The following CNTNAP2 variants were observed in gnomAD, a reference collection of about 807,000 sequenced individuals.
The protein encoded by CNTNAP2 is contactin associated protein 2.
Under a neutral mutation model 155.2 loss-of-function variants are expected in CNTNAP2, and 98 were observed. That is an observed-to-expected ratio of 0.63 (90% CI 0.54 to 0.75). The LOEUF is 0.75. CNTNAP2 is among the 30% of genes least tolerant of loss of function. The probability of loss-of-function intolerance (pLI) is 0.00; values close to 1 mark genes in which losing one functional copy is unlikely to be tolerated. For missense variants in CNTNAP2, 1,727 were observed against 1,688.1 expected (o/e 1.02, Z -0.40); for synonymous variants, 651 against 631.2 (o/e 1.03, Z -0.47).
chr7:147,081,255 T>C (rs993632688), intron 4 of CNTNAP2: 1 of 152,046 alleles, frequency 6.6e-6, no homozygotes, highest in Non-Finnish European at 1.5e-5. Flanking sequence ...GATGCCTCTA[T>C]CCAGCAACAC....
intron 1 of CNTNAP2, among the ~76,000 whole-genome samples, chr7:146,331,913 A>G (rs1320991566): frequency 6.6e-6 from 1 of 152,184 alleles, no homozygotes; most frequent in Non-Finnish European, 1.5e-5. Flanking sequence ...TGTTCAAAGA[A>G]CTGTTTCACT....
chr7:146,128,559 C>T (rs1797670711), intron 1 of CNTNAP2, among the ~76,000 whole-genome samples: 1 of 152,134 alleles, frequency 6.6e-6, no homozygotes, highest in Admixed American at 6.6e-5. Context: ...GTCGCTACTA[C>T]TTTTATAGAT....
chr7:147,150,335 A>G (rs1271407079), intron 8 of CNTNAP2, among the ~76,000 whole-genome samples: 2 of 151,818 alleles, frequency 1.3e-5, no homozygotes, highest in Non-Finnish European at 3.0e-5. Flanking sequence ...GCAATCAGAT[A>G]AGAAGAACTC....
intron 1 of CNTNAP2, among the ~76,000 whole-genome samples, chr7:146,538,135 G>C (rs1234384709): frequency 6.6e-6 from 1 of 152,048 alleles, no homozygotes; most frequent in Non-Finnish European, 1.5e-5. Context: ...TCGCAACAAA[G>C]GTGATGAGAA....
At chr7:147,958,341 A>G (rs1287181806) in intron 14 of CNTNAP2, among the ~76,000 whole-genome samples, 1 of 152,110 alleles carries the variant, frequency 6.6e-6, no homozygotes, top group Non-Finnish European at 1.5e-5. Context: ...TGTAGAAGCT[A>G]TTTTGGTTTT....
chr7:146,148,126 C>A (rs1357177176), intron 1 of CNTNAP2, among the ~76,000 whole-genome samples: 2 of 152,042 alleles, frequency 1.3e-5, no homozygotes, highest in Non-Finnish European at 2.9e-5. Context: ...CCTTGATGAG[C>A]ATCACAATGA....
intron 20 of CNTNAP2, among the ~76,000 whole-genome samples, chr7:148,230,127 T>A (rs1418427073): frequency 6.6e-6 from 1 of 152,234 alleles, no homozygotes; most frequent in Non-Finnish European, 1.5e-5. Context: ...TTACCGTGTT[T>A]CCCAGCAAAG....
chr7:148,136,051 A>AGGGAGGGGG (rs1804942211), intron 16 of CNTNAP2, among the ~76,000 whole-genome samples: 2 of 35,342 alleles, frequency 5.7e-5, no homozygotes, highest in African/African-American at 1.3e-4. Flanking sequence ...GAGGGAGGGG[A>AGGGAGGGGG]AGGGAAGGGA....
intron 3 of CNTNAP2, among the ~76,000 whole-genome samples, chr7:146,872,162 A>ATTTTTTTTTTTTTTTTTTTT (rs144291754): frequency 3.6e-5 from 4 of 111,532 alleles, no homozygotes; most frequent in African/African-American, 6.8e-5. Context: ...AAATTATTGA[A>ATTTTTTTTTTTTTTTTTTTT]TTTTTTTTTT....
At chr7:147,203,475 G>T (rs1336612812) in intron 8 of CNTNAP2, among the ~76,000 whole-genome samples, 1 of 152,100 alleles carries the variant, frequency 6.6e-6, no homozygotes, top group South Asian at 2.1e-4. Context: ...CAGGTGATCC[G>T]CCCGCCTCGG....
chr7:147,132,881 C>T (rs1018068098), intron 8 of CNTNAP2, among the ~76,000 whole-genome samples: 9 of 151,972 alleles, frequency 5.9e-5, no homozygotes, highest in African/African-American at 9.7e-5. Flanking sequence ...TATCAACATT[C>T]GTGTACCTTT....
intron 1 of CNTNAP2, among the ~76,000 whole-genome samples, chr7:146,286,174 A>G (rs1800333942): frequency 6.6e-6 from 1 of 150,390 alleles, no homozygotes; most frequent in South Asian, 2.1e-4. Context: ...TTGGAATCAG[A>G]CAGAGCAAAT....
At chr7:147,063,809 T>C (rs1799728686) in intron 4 of CNTNAP2, among the ~76,000 whole-genome samples, 1 of 152,106 alleles carries the variant, frequency 6.6e-6, no homozygotes, top group South Asian at 2.1e-4. Flanking sequence ...AAAATCTATA[T>C]TTTCAATATC....
chr7:146,785,174 A>G (rs931117617), intron 2 of CNTNAP2, among the ~76,000 whole-genome samples: 10 of 151,568 alleles, frequency 6.6e-5, no homozygotes, highest in African/African-American at 2.2e-4. Context: ...GGGTTTTGCC[A>G]TGTGTGTCAG....
chr7:146,561,670 G>A (rs1395083520), intron 1 of CNTNAP2, among the ~76,000 whole-genome samples: 1 of 152,056 alleles, frequency 6.6e-6, no homozygotes, highest in Non-Finnish European at 1.5e-5. Context: ...AACAAAAAAT[G>A]AAGAAACTCC....
intron 12 of CNTNAP2, among the ~76,000 whole-genome samples, chr7:147,599,197 T>G (rs1800890965): frequency 6.6e-6 from 1 of 151,926 alleles, no homozygotes. Flanking sequence ...GTACCATTGG[T>G]CAAGAGCAGT....
chr7:146,810,440 A>G (rs1803044639), intron 2 of CNTNAP2, among the ~76,000 whole-genome samples: 1 of 150,876 alleles, frequency 6.6e-6, no homozygotes, highest in Non-Finnish European at 1.5e-5. Flanking sequence ...TTTATTGTTT[A>G]GATGCTATTA....
intron 22 of CNTNAP2, among the ~76,000 whole-genome samples, chr7:148,398,074 C>T (rs906898705): frequency 6.6e-5 from 10 of 152,134 alleles, no homozygotes; most frequent in African/African-American, 1.7e-4. Context: ...AACCAAGAGC[C>T]GAACTGGGCA....
intron 13 of CNTNAP2, among the ~76,000 whole-genome samples, chr7:147,872,623 C>T (rs545309335): frequency 2.2e-4 from 34 of 152,240 alleles, no homozygotes; most frequent in African/African-American, 2.6e-4. Context: ...ATTCATGAAT[C>T]GTCACAAAAT....
Sources: gnomAD v4.1 joint callset for allele counts (sites outside exome capture counted in the v4.1 genomes callset) on GRCh38, gnomAD v4.1.1 for gene constraint, MANE v1.5 for transcripts, NCBI Gene and HGNC (gene_info 2026-07-23, HGNC 2026-07-21) for gene names.